Variants in ERBB4 observed in about 807,000 individuals in gnomAD.
ERBB4 encodes erb-b2 receptor tyrosine kinase 4.
In ERBB4, 42 loss-of-function variants were observed where a neutral mutation model predicts 158.0. The observed-to-expected ratio is 0.27, with a 90% CI of 0.21 to 0.34. The LOEUF (loss-of-function observed/expected upper bound fraction) is 0.34. Among genes scored for constraint, ERBB4 ranks in the 10% least tolerant of loss-of-function variants. The pLI is 1.00. For missense variants in ERBB4, 1,333 were observed against 1,624.1 expected, an observed-to-expected ratio of 0.82 and a Z score of 3.08; for synonymous variants, 583 against 558.7, an observed-to-expected ratio of 1.04 and a Z score of -0.61.
chr2:211,744,289 A>C (rs1273461739), intron 5 of ERBB4, among the ~76,000 whole-genome samples: 1 of 152,230 alleles, frequency 6.6e-6, no homozygotes, highest in African/African-American at 2.4e-5. Context: ...AAATGTTACT[A>C]AATTTTACTG....
At chr2:212,116,965 T>C (rs549249875) in intron 2 of ERBB4, among the ~76,000 whole-genome samples, 1 of 152,314 alleles carries the variant, frequency 6.6e-6, no homozygotes, top group South Asian at 2.1e-4. Flanking sequence ...TGCATAGCTT[T>C]TTCAAATGTA....
chr2:211,916,135 C>T lies in ERBB4; in HGVS notation c.421+31295G>A, dbSNP rs186837007. Among the ~76,000 whole-genome samples the T allele has an allele frequency of 5.1e-3, 769 of 151,236 alleles. 7 individuals are homozygous for T. Among genetic ancestry groups the T allele is most frequent in the Middle Eastern group, 0.024 (7 of 294 alleles). ...CCATATCTCAAACAGTAGAAATAAG[C>T]CAAGTTTACGCTATTGGATGAAATT... On this transcript the variant is annotated intron_variant, in intron 3 of 27. Coordinates refer to ENST00000342788, the MANE Select transcript of ERBB4 (RefSeq NM_005235.3).
At chr2:212,026,598 T>A (rs2125338754) in intron 2 of ERBB4, among the ~76,000 whole-genome samples, 2 of 152,008 alleles carry the variant, frequency 1.3e-5, no homozygotes, top group East Asian at 3.9e-4. Flanking sequence ...TTGGTAAATA[T>A]TAAAAATCAG....
intron 19 of ERBB4, among the ~76,000 whole-genome samples, chr2:211,574,137 G>A (rs58679637): frequency 0.036 from 5,547 of 152,192 alleles, 282 homozygotes; most frequent in African/African-American, 0.12. Flanking sequence ...GACTGAATCT[G>A]GAAAAAAGCT....
intron 16 of ERBB4, 78 bp downstream of exon 16, chr2:211,657,676 C>A: frequency 9.2e-7 from 1 of 1,084,052 alleles, no homozygotes; most frequent in East Asian, 2.4e-5. Context: ...ATAAATTTAA[C>A]CCAACTGGTT....
At chr2:211,500,852 A>G (rs1328103832) in intron 20 of ERBB4, among the ~76,000 whole-genome samples, 1 of 152,026 alleles carries the variant, frequency 6.6e-6, no homozygotes, top group Non-Finnish European at 1.5e-5. Context: ...TTTTTAAAAG[A>G]GTGACTCCTT....
chr2:211,881,620 T>C (rs2078665543), intron 3 of ERBB4, among the ~76,000 whole-genome samples: 1 of 151,596 alleles, frequency 6.6e-6, no homozygotes, highest in African/African-American at 2.4e-5. Context: ...CTGAGATTTG[T>C]GCCCCATGCA....
rs531280013 is a variant in ERBB4 at position 212,356,559 on chromosome 2, A to G, written c.82+181890T>C. Among the ~76,000 whole-genome samples, 6 of 151,956 alleles carry G rather than the reference A, an allele frequency of 3.9e-5. No homozygotes were observed. The South Asian group carries it at 1.2e-3, about 31-fold the overall frequency. On this transcript the variant is annotated intron_variant, in intron 1 of 27. Coordinates refer to ENST00000342788, the MANE Select transcript of ERBB4 (RefSeq NM_005235.3). ...AAGCATGATCTTCATAATTTATCAC[A>G]TAACACTTGTCTCCTAAAGTAGGTT... is the stretch of plus-strand genomic sequence containing the variant.
chr2:211,917,013 T>G (rs1239145887), intron 3 of ERBB4, among the ~76,000 whole-genome samples: 2 of 152,120 alleles, frequency 1.3e-5, no homozygotes, highest in African/African-American at 4.8e-5. Flanking sequence ...ACCTACAGAT[T>G]TGATACCAGT....
At chr2:212,443,297 A>G (rs1352401193) in intron 1 of ERBB4, among the ~76,000 whole-genome samples, 1 of 152,218 alleles carries the variant, frequency 6.6e-6, no homozygotes, top group Non-Finnish European at 1.5e-5. Context: ...TGCTGATTAG[A>G]TCCAGTGAGC....
At chr2:211,656,535 A>C (rs1266990327) in intron 16 of ERBB4, among the ~76,000 whole-genome samples, 1 of 152,238 alleles carries the variant, frequency 6.6e-6, no homozygotes, top group East Asian at 1.9e-4. Context: ...CAGTTCTATA[A>C]TTTTTGATAA....
At chr2:212,496,066 A>T (rs1690550544) in intron 1 of ERBB4, among the ~76,000 whole-genome samples, 1 of 152,144 alleles carries the variant, frequency 6.6e-6, no homozygotes, top group African/African-American at 2.4e-5. Context: ...TGGTTGAATA[A>T]TAGTTATCCA....
chr2:211,715,294 T>C (rs1377687003), intron 7 of ERBB4, among the ~76,000 whole-genome samples: 5 of 152,148 alleles, frequency 3.3e-5, no homozygotes, highest in African/African-American at 1.2e-4. Context: ...AATATCCACA[T>C]GAAAGCATCC....
At chr2:211,924,724 T>C (rs1272813974) in intron 3 of ERBB4, among the ~76,000 whole-genome samples, 1 of 152,148 alleles carries the variant, frequency 6.6e-6, no homozygotes, top group Non-Finnish European at 1.5e-5. Flanking sequence ...ATTTCTTTGT[T>C]CACGGTCACA....
At chr2:211,427,806 A>G (rs1442098501) in intron 22 of ERBB4, among the ~76,000 whole-genome samples, 1 of 150,456 alleles carries the variant, frequency 6.6e-6, no homozygotes, top group Non-Finnish European at 1.5e-5. Flanking sequence ...ATGAAATTCT[A>G]TGAAATTGTC....
intron 1 of ERBB4, among the ~76,000 whole-genome samples, chr2:212,240,214 A>G (rs1212984739): frequency 6.6e-6 from 1 of 152,128 alleles, no homozygotes; most frequent in Non-Finnish European, 1.5e-5. Context: ...AAAATATGGT[A>G]CCTTGGCTTT....
At chr2:212,457,346 T>C (rs1301961410) in intron 1 of ERBB4, among the ~76,000 whole-genome samples, 7 of 151,900 alleles carry the variant, frequency 4.6e-5, no homozygotes, top group Admixed American at 2.6e-4. Context: ...GCTGGTTTAA[T>C]TTTCTTTATC....
chr2:211,707,647 T>C (rs189916632), intron 9 of ERBB4, among the ~76,000 whole-genome samples: 9 of 152,304 alleles, frequency 5.9e-5, no homozygotes, highest in Non-Finnish European at 1.3e-4. Context: ...ACATCAATAA[T>C]GTAAAACATA....
At chr2:211,689,949 T>A (rs2072733544) in intron 12 of ERBB4, among the ~76,000 whole-genome samples, 1 of 151,146 alleles carries the variant, frequency 6.6e-6, no homozygotes, top group Non-Finnish European at 1.5e-5. Flanking sequence ...TTTCTTTTTT[T>A]AATATGTTTT....
Sources: gnomAD v4.1 joint callset for allele counts (sites outside exome capture counted in the v4.1 genomes callset) on GRCh38, gnomAD v4.1.1 for gene constraint, MANE v1.5 for transcripts, NCBI Gene and HGNC (gene_info 2026-07-23, HGNC 2026-07-21) for gene names.